The following MMS19 variants were observed in gnomAD, a reference collection of about 807,000 sequenced individuals.
MMS19 encodes MMS19 cytosolic iron-sulfur assembly component, also known as MMS19 nucleotide excision repair protein homolog.
In MMS19, 77 loss-of-function variants were observed where a neutral mutation model predicts 129.8. The observed-to-expected ratio is 0.59, with a 90% CI of 0.49 to 0.72. MMS19 has a LOEUF of 0.72. MMS19 is among the 30% of genes least tolerant of loss of function. MMS19 has a pLI of 0.00. For missense variants in MMS19, 1,168 were observed against 1,266.3 expected, an observed-to-expected ratio of 0.92 and a Z score of 1.18; for synonymous variants, 491 against 502.8, an observed-to-expected ratio of 0.98 and a Z score of 0.31.
At chr10:97,467,641 C>T (rs1176443099) in intron 13 of MMS19, 58 bp from the exon 14 acceptor site, 1 of 1,505,526 alleles carries the variant, frequency 6.6e-7, no homozygotes, top group Admixed American at 1.7e-5. Context: ...TTCAATCCTG[C>T]TACTCTGGAT....
At chr10:97,489,185 A>G (rs547031433) in intron 1 of MMS19, among the ~76,000 whole-genome samples, 8 of 152,250 alleles carry the variant, frequency 5.3e-5, no homozygotes, top group Non-Finnish European at 1.2e-4. Context: ...CTGAAGCTAC[A>G]TATATACTGA....
At chr10:97,465,997 A>G (rs1228049451) in intron 17 of MMS19, 43 bp from the exon 18 acceptor site, 1 of 1,612,452 alleles carries the variant, frequency 6.2e-7, no homozygotes, top group African/African-American at 1.3e-5. Flanking sequence ...TGTGATAGGA[A>G]GCACGAAGGC....
In MMS19 at chr10:97,482,737, T is replaced by TATACAC. The variant is rs1369918391; in HGVS notation, c.161+1365_161+1366insGTGTAT. 9.3e-4 allele frequency among the ~76,000 whole-genome samples: 92 copies of TATACAC among 98,444 alleles called. 1 individual carries two copies. The highest frequency in any genetic ancestry group is 3.3e-3 in the African/African-American group (89 of 27,032). The allele number at this position is 98,444 out of a possible 152,430, so 64.6% of individuals were successfully genotyped here. A position where few individuals can be genotyped will look rare whatever the true frequency, so the allele number is the denominator to read the frequency against. On this transcript the variant is annotated intron_variant, in intron 2 of 30. Transcript: ENST00000438925. Reference sequence around the variant, plus strand: ...GTGTGTGTGTGTGTGTGTATATATATACACACACACACACACACACACACA... The same window carrying TATACAC: ...GTGTGTGTGTGTGTGTGTATATATATATACACACACACACACACACACACACACACA...
At chr10:97,492,336 G>A (rs572806928) in intron 1 of MMS19, among the ~76,000 whole-genome samples, 101 of 151,690 alleles carry the variant, frequency 6.7e-4, no homozygotes, top group African/African-American at 2.3e-3. Context: ...TTAGCTGGGC[G>A]TGGTGGCGGG....
chr10:97,490,237 C>T (rs987855450), intron 1 of MMS19, among the ~76,000 whole-genome samples: 1 of 152,062 alleles, frequency 6.6e-6, no homozygotes, highest in African/African-American at 2.4e-5. Context: ...CACCACCATG[C>T]CCGCCTAATT....
intron 1 of MMS19, among the ~76,000 whole-genome samples, chr10:97,496,029 C>T (rs565607360): frequency 2.6e-5 from 4 of 152,246 alleles, no homozygotes; most frequent in Admixed American, 1.3e-4. Flanking sequence ...AATCCGCCTA[C>T]CTTGTTCTCT....
chr10:97,467,830 A>ATTT (rs1285490114), intron 13 of MMS19, among the ~76,000 whole-genome samples: 13 of 137,400 alleles, frequency 9.5e-5, no homozygotes, highest in Non-Finnish European at 1.7e-4. Flanking sequence ...TATCCAGCTA[A>ATTT]TTTTTTTTTT....
In MMS19 at chr10:97,460,192, G is replaced by A. The variant is rs756434217; in HGVS notation, c.2510C>T (p.Ala837Val). 1 of 1,613,836 alleles carries A rather than the reference G, an allele frequency of 6.2e-7. No individual in the cohort carries two copies. The highest frequency in any genetic ancestry group is 8.5e-7 in the Non-Finnish European group (1 of 1,179,862). ...CATGAGCAGAGAGAAGCCATCAGCT[G>A]CTGCTGGACCTAATTCTGGGTCACT... ...LLSDPELGPA[A>V]ADGFSLLMSD... Residue 837 changes from alanine to valine, a missense_variant, in exon 26 of 31, where the codon GCA becomes GTA. Transcript: ENST00000438925.
At chr10:97,491,463 G>C (rs1026047817) in intron 1 of MMS19, among the ~76,000 whole-genome samples, 15 of 152,084 alleles carry the variant, frequency 9.9e-5, no homozygotes, top group Admixed American at 5.2e-4. Flanking sequence ...TCAGGAGATC[G>C]AGACCAGTCT....
intron 14 of MMS19, among the ~76,000 whole-genome samples, chr10:97,467,262 A>G (rs578092056): frequency 6.6e-6 from 1 of 152,332 alleles, no homozygotes; most frequent in Non-Finnish European, 1.5e-5. Flanking sequence ...TATAGGTGTG[A>G]GCCACCATGC....
chr10:97,487,807 G>C (rs1312393821), intron 1 of MMS19, among the ~76,000 whole-genome samples: 1 of 152,156 alleles, frequency 6.6e-6, no homozygotes, highest in Non-Finnish European at 1.5e-5. Flanking sequence ...ATGCAGAAAA[G>C]GGCAACAATT....
At chr10:97,490,146 A>AGG (rs2038628400) in intron 1 of MMS19, among the ~76,000 whole-genome samples, 1 of 152,002 alleles carries the variant, frequency 6.6e-6, no homozygotes, top group Non-Finnish European at 1.5e-5. Context: ...TAGTACAATC[A>AGG]TGGCTCACTG....
chr10:97,480,128 G>C (rs1009845221), intron 3 of MMS19: 1 of 364,112 alleles, frequency 2.7e-6, no homozygotes, highest in South Asian at 2.1e-5. Context: ...TAAAAGGCTC[G>C]GGTAGGAGGG....
Position 97,477,379 on chromosome 10 carries a change from A to C in MMS19, c.461T>G (p.Ile154Ser). Residue 154 changes from isoleucine (I) to serine (S), a missense_variant, in exon 6 of 31, where the codon ATC becomes AGC. By Grantham distance (142) the Ile-to-Ser change is moderately radical. This residue lies in a region of MMS19 where 329 missense variants were observed against 328.6 expected (regional missense o/e 1.00). Coordinates refer to ENST00000438925, the MANE Select transcript of MMS19 (RefSeq NM_022362.5). The stretch of plus-strand genomic sequence containing the variant: ...CCGGGTTCGCATAAAATTGGTGATG[A>C]TATTGTAGACTGTGTGTCGGTCCAC... Reference protein sequence around the residue: ...PQVDRHTVYNIITNFMRTREE... With the variant: ...PQVDRHTVYNSITNFMRTREE... 6.2e-7 allele frequency: 1 copy of C among 1,613,882 alleles called. No individual in the cohort carries two copies. Among genetic ancestry groups the C allele is most frequent in the Non-Finnish European group, 8.5e-7 (1 of 1,179,874 alleles).
At position 97,478,375 on chromosome 10, in the gene MMS19, G is replaced by T; in HGVS notation, c.277C>A (p.Leu93Met). ...LLEKEVVHLI[L>M]FYENRLKDHH... ...TCCTTCAGCCGGTTCTCATAGAACA[G>T]TATCAGGTGTACCACTGCACAAACC... Residue 93 changes from leucine to methionine, a missense_variant, in exon 4 of 31, where the codon CTG (leucine) becomes ATG (methionine). Physicochemically the swap from Leu to Met is conservative, Grantham distance 15. Transcript: ENST00000438925. The T allele has an allele frequency of 1.2e-6, 2 of 1,604,534 alleles. No homozygotes were observed. The highest frequency in any genetic ancestry group is 1.7e-6 in the Non-Finnish European group (2 of 1,175,466).
chr10:97,465,795 T>G lies in MMS19; in HGVS notation c.1756+10A>C. 4 of 1,609,922 alleles carry G rather than the reference T, an allele frequency of 2.5e-6. No homozygotes were observed. Among genetic ancestry groups the G allele is most frequent in the Non-Finnish European group, 3.4e-6 (4 of 1,178,982 alleles). On this transcript the variant is annotated intron_variant, in intron 18 of 30. Transcript: ENST00000438925. Reference sequence around the variant, plus strand: ...AGCCCAGTCCGTTGGTGGTTATTCCTAGTAGTTACCTCTGTTCACTTGCCA... The same window carrying G: ...AGCCCAGTCCGTTGGTGGTTATTCCGAGTAGTTACCTCTGTTCACTTGCCA...
chr10:97,498,661 G>T, upstream of MMS19: 1 of 469,364 alleles, frequency 2.1e-6, no homozygotes, highest in South Asian at 2.6e-5. Flanking sequence ...TGCGGGGCGG[G>T]CACCTGGCTG....
Position 97,468,466 on chromosome 10 carries a change from C to T in MMS19, c.1064-60G>A, listed in dbSNP as rs1034547400. 10 of 1,496,404 alleles carry T rather than the reference C, an allele frequency of 6.7e-6. No individual in the cohort carries two copies. In the Admixed American group the frequency reaches 2.1e-4, roughly 31 times the overall value. The allele number at this position is 1,496,404 out of a possible 1,614,324, so 92.7% of individuals were successfully genotyped here. On this transcript the variant is annotated intron_variant, in intron 12 of 30. Coordinates refer to ENST00000438925, the MANE Select transcript of MMS19 (RefSeq NM_022362.5). ...GGCCAAATGGTGCCTGACTCCCCTA[C>T]AGTCCACAGAGGTTGGAGACTGAGA...
At chr10:97,492,177 A>G (rs1464470789) in intron 1 of MMS19, among the ~76,000 whole-genome samples, 1 of 149,510 alleles carries the variant, frequency 6.7e-6, no homozygotes, top group Non-Finnish European at 1.5e-5. Context: ...AGAAAAAATT[A>G]GAGAAAAATG....
Sources: allele counts gnomAD v4.1 joint callset (sites outside exome capture counted in the v4.1 genomes callset), GRCh38; gene constraint gnomAD v4.1.1; regional missense constraint gnomAD v4.1.1; transcripts MANE v1.5; gene names NCBI Gene and HGNC (gene_info 2026-07-23, HGNC 2026-07-21).